SLC12A9: variants seen among roughly 807,000 people sequenced by gnomAD.
SLC12A9 encodes the protein solute carrier family 12 member 9.
SLC12A9 carries 55 observed loss-of-function variants against 66.0 expected under a neutral mutation model. That is an observed-to-expected ratio of 0.83 (90% confidence interval 0.67 to 1.04). SLC12A9 has a LOEUF of 1.04. Ranked by LOEUF, SLC12A9 falls within the 50% of genes least tolerant of loss-of-function variation. The pLI is 0.00. For missense variants in SLC12A9, 1,061 were observed against 1,241.9 expected (o/e 0.85, Z 2.19); for synonymous variants, 577 against 569.0 (o/e 1.01, Z -0.20).
chr7:100,826,929 G>A, exon 1 of SLC12A9: 1 of 1,536,486 alleles, frequency 6.5e-7, no homozygotes. Context: ...GATGTTGGGG[G>A]GGAGGTCCCA....
intron 1 of SLC12A9, among the ~76,000 whole-genome samples, chr7:100,842,865 G>A (rs1396423705): frequency 2.0e-5 from 3 of 152,344 alleles, no homozygotes; most frequent in South Asian, 2.1e-4. Context: ...CTACAGCCTG[G>A]AGTAATAAGT....
rs754013474 is a variant in SLC12A9, at chr7:100,857,189, C to T, written c.757+13C>T. ...GACAACTTGGGCGGTGAGCTGGGTG[C>T]TGCCGTGGCAGGGATCTCGGGGTGA... On this transcript the variant is annotated intron_variant, in intron 5 of 13. Transcript: ENST00000354161. The T allele has an allele frequency of 1.1e-5, 18 of 1,601,502 alleles. No individual in the cohort carries two copies. The South Asian group carries it at 2.0e-4, about 18-fold the overall frequency.
In SLC12A9 at chr7:100,865,887, G is replaced by A. The variant is rs143486220; in HGVS notation, c.2027G>A (p.Arg676Gln). Residue 676 changes from arginine to glutamine, a missense_variant, in exon 14 of 14, where the codon CGG (arginine) becomes CAG (glutamine). Arg to Gln is a conservative substitution (Grantham distance 43, BLOSUM62 1). Transcript: ENST00000354161. ...CCTCCCCGGGCTCCTGGGAGCCCCC[G>A]GGCCCTCAATCCCCAGGACTATGTG... is the stretch of plus-strand genomic sequence containing the variant. ...FPPPRAPGSP[R>Q]ALNPQDYVAT... 27 of 1,613,502 alleles carry A rather than the reference G, an allele frequency of 1.7e-5. No homozygotes were observed. In the African/African-American group the frequency reaches 2.0e-4, roughly 12 times the overall value.
chr7:100,826,954 C>CG, exon 1 of SLC12A9: 1 of 1,503,498 alleles, frequency 6.7e-7, no homozygotes, highest in Non-Finnish European at 8.9e-7. Flanking sequence ...TGACGGGGTG[C>CG]GCCCCCCCCC....
In SLC12A9 at chr7:100,855,749, T is replaced by C; in HGVS notation, c.360T>C (p.Ile120=). Residue 120 remains isoleucine, a synonymous_variant, in exon 4 of 14, where the codon ATT becomes ATC. Transcript: ENST00000354161. ...RTLGPEVGGS[I]GLMFYLANVC... is the part of the protein sequence containing the mutation. ...TGGGGCCCGAGGTCGGGGGCAGCAT[T>C]GGGCTCATGTTCTACCTGGCTAACG... 6.2e-7 allele frequency: 1 copy of C among 1,614,168 alleles called. No homozygotes were observed.
At chr7:100,851,784 C>CAAAAAAAAA (rs66749400), upstream of SLC12A9, among the ~76,000 whole-genome samples, 5 of 74,246 alleles carry the variant, frequency 6.7e-5, no homozygotes, top group Admixed American at 1.8e-4. Flanking sequence ...GTTCCTGGAT[C>CAAAAAAAAA]AAAAAAAAAA....
At position 100,861,080 on chromosome 7, in the gene SLC12A9, C is replaced by T. The variant is rs199792493; in HGVS notation, c.1219-58C>T. Reference sequence around the variant, plus strand: ...ACTGGCATTCTTTGGTGTTCACTGGCATTTTGGGGGTGCACTGGCACTTTG... The same window carrying T: ...ACTGGCATTCTTTGGTGTTCACTGGTATTTTGGGGGTGCACTGGCACTTTG... On this transcript the variant is annotated intron_variant, in intron 9 of 13. Coordinates refer to ENST00000354161, the MANE Select transcript of SLC12A9 (RefSeq NM_020246.4). The surrounding 1 kb of genome is among the most constrained non-coding windows in gnomAD (Gnocchi z 5.3). The T allele has an allele frequency of 4.8e-4, 775 of 1,613,160 alleles. 1 individual carries two copies. The highest frequency in any genetic ancestry group is 6.0e-4 in the Non-Finnish European group (705 of 1,179,738).
chr7:100,830,815 A>G (rs314316), intron 1 of SLC12A9, among the ~76,000 whole-genome samples: 25,900 of 152,006 alleles, frequency 0.17, 2,541 homozygotes, highest in Non-Finnish European at 0.22. Context: ...TGGAGATGGC[A>G]TCTGAGATTT....
At chr7:100,840,153 G>A (rs1035217302) in intron 1 of SLC12A9, among the ~76,000 whole-genome samples, 1 of 152,146 alleles carries the variant, frequency 6.6e-6, no homozygotes, top group Non-Finnish European at 1.5e-5. Context: ...AACTGCGAAA[G>A]TGTGTGTGTG....
At chr7:100,863,614 C>T (rs1395151498) in intron 13 of SLC12A9, among the ~76,000 whole-genome samples, 1 of 152,178 alleles carries the variant, frequency 6.6e-6, no homozygotes, top group Non-Finnish European at 1.5e-5. Flanking sequence ...CATGTCTCCC[C>T]TGCCCCCGCC....
chr7:100,829,779 A>G (rs1203330164), intron 1 of SLC12A9, among the ~76,000 whole-genome samples: 3 of 152,172 alleles, frequency 2.0e-5, no homozygotes, highest in African/African-American at 4.8e-5. Context: ...CTGTAATCTC[A>G]GCATTTTGGG....
At chr7:100,838,349 T>C (rs1284272145) in intron 1 of SLC12A9, among the ~76,000 whole-genome samples, 1 of 151,856 alleles carries the variant, frequency 6.6e-6, no homozygotes, top group African/African-American at 2.4e-5. Context: ...AATATTTGAG[T>C]CCAGAAGACC....
intron 1 of SLC12A9, among the ~76,000 whole-genome samples, chr7:100,832,055 A>G (rs980506532): frequency 6.6e-6 from 1 of 152,206 alleles, no homozygotes; most frequent in Non-Finnish European, 1.5e-5. Context: ...AATTTTTATA[A>G]ACAATGATGA....
intron 1 of SLC12A9, among the ~76,000 whole-genome samples, chr7:100,835,447 C>T (rs1399131902): frequency 1.3e-5 from 2 of 149,682 alleles, no homozygotes; most frequent in Admixed American, 1.3e-4. Context: ...GTCAAGAGAT[C>T]GAGACCATCC....
In SLC12A9 at chr7:100,866,377, C is replaced by T. The variant is rs113798467; in HGVS notation, c.2517C>T (p.Ala839=). The part of the protein sequence containing the change: ...EAEALARSAN[A]LVRAQQGRGT... ...AGGCCCTGGCACGCAGCGCCAACGCCCTGGTTCGGGCCCAGCAGGGGCGCG... is the reference window on the plus strand; with the variant it reads ...AGGCCCTGGCACGCAGCGCCAACGCTCTGGTTCGGGCCCAGCAGGGGCGCG... Residue 839 remains alanine, a synonymous_variant, in exon 14 of 14, where the codon GCC becomes GCT. Transcript: ENST00000354161. This position sits in a 1 kb window ranked among gnomAD's most constrained non-coding sequence, Gnocchi z 7.3. 6.0e-4 allele frequency: 913 copies of T among 1,523,648 alleles called. 2 individuals carry two copies. In the African/African-American group the frequency reaches 0.01, roughly 17 times the overall value. The allele number at this position is 1,523,648 out of a possible 1,614,324, so 94.4% of individuals were successfully genotyped here.
At chr7:100,842,288 A>G (rs1461689344) in intron 1 of SLC12A9, among the ~76,000 whole-genome samples, 1 of 152,194 alleles carries the variant, frequency 6.6e-6, no homozygotes, top group African/African-American at 2.4e-5. Flanking sequence ...ATTGCTGACC[A>G]TCTAGTTATT....
chr7:100,842,169 C>T (rs145342685), intron 1 of SLC12A9, among the ~76,000 whole-genome samples: 4,472 of 152,036 alleles, frequency 0.029, 111 homozygotes, highest in Middle Eastern at 0.071. Context: ...AGTGCCACCC[C>T]CTCCAGAGTT....
At chr7:100,830,712 C>T (rs1298364610) in intron 1 of SLC12A9, among the ~76,000 whole-genome samples, 1 of 151,730 alleles carries the variant, frequency 6.6e-6, no homozygotes, top group Non-Finnish European at 1.5e-5. Context: ...GGTTCCTGGC[C>T]TCAAAGAGAA....
chr7:100,845,784 G>A (rs1365942652), intron 1 of SLC12A9, among the ~76,000 whole-genome samples: 1 of 152,176 alleles, frequency 6.6e-6, no homozygotes, highest in Non-Finnish European at 1.5e-5. Context: ...GGCCCTCTGA[G>A]AGAATCATAC....
Sources: gnomAD v4.1 joint callset for allele counts (sites outside exome capture counted in the v4.1 genomes callset) on GRCh38, gnomAD v4.1.1 for gene constraint, Gnocchi (gnomAD v3.1) non-coding constraint, MANE v1.5 for transcripts, NCBI Gene and HGNC (gene_info 2026-07-23, HGNC 2026-07-21) for gene names.